The following ZSCAN5A variants were observed in gnomAD, a reference collection of about 807,000 sequenced individuals.
The protein encoded by ZSCAN5A is zinc finger and SCAN domain containing 5A.
ZSCAN5A carries 12 observed loss-of-function variants against 23.7 expected under a neutral mutation model. The ratio of observed to expected loss-of-function variants is 0.51; its 90% CI spans 0.32 to 0.82. ZSCAN5A has a LOEUF of 0.82. Among genes scored for constraint, ZSCAN5A ranks in the 40% least tolerant of loss-of-function variants. The pLI is 0.03. For missense variants in ZSCAN5A, 597 were observed against 617.9 expected, an observed-to-expected ratio of 0.97 and a Z score of 0.36; for synonymous variants, 257 against 239.9, an observed-to-expected ratio of 1.07 and a Z score of -0.66.
At chr19:56,362,381 A>G (rs1490091365) in intron 2 of ZSCAN5A, among the ~76,000 whole-genome samples, 3 of 151,898 alleles carry the variant, frequency 2.0e-5, no homozygotes, top group African/African-American at 7.3e-5. Context: ...ATCTTGGCCA[A>G]CGTGGCGAGA....
At chr19:56,223,921 C>T (rs752495822) in intron 3 of ZSCAN5A, 87 bp from the exon 4 acceptor site, 7 of 1,179,494 alleles carry the variant, frequency 5.9e-6, no homozygotes, top group Non-Finnish European at 7.2e-6. Flanking sequence ...AATGCTCACA[C>T]TTTACTGTAA....
At position 56,253,699 on chromosome 19, in the gene ZSCAN5A, TACAG is replaced by T. The variant is rs1433823307; in HGVS notation, c.-127-28530_-127-28527del. 4.6e-5 allele frequency among the ~76,000 whole-genome samples: 7 copies of T among 152,274 alleles called. No homozygotes were observed. In the East Asian group the frequency reaches 1.4e-3, roughly 29 times the overall value. On this transcript the variant is annotated intron_variant, in intron 2 of 5. Transcript: ENST00000683990. ...CGCGTGGGGAGACGTTATCCGGTGT[TACAG>T]ACACTAAATACATTTTTTTTTCTTA...
At chr19:56,230,452 C>T (rs998128474) in intron 2 of ZSCAN5A, among the ~76,000 whole-genome samples, 2 of 152,142 alleles carry the variant, frequency 1.3e-5, no homozygotes, top group Non-Finnish European at 2.9e-5. Context: ...GTGATGCAAT[C>T]GTCAGAACCA....
intron 2 of ZSCAN5A, among the ~76,000 whole-genome samples, chr19:56,287,982 C>T (rs966964010): frequency 2.6e-5 from 4 of 152,194 alleles, no homozygotes; most frequent in Non-Finnish European, 5.9e-5. Flanking sequence ...TCTGGGCAGA[C>T]CAGGAGCGTG....
chr19:56,222,873 C>G, intron 4 of ZSCAN5A, 132 bp from the exon 5 acceptor site: 1 of 1,207,006 alleles, frequency 8.3e-7, no homozygotes, highest in South Asian at 1.4e-5. Context: ...CAGACTTCCC[C>G]TGGACCACCC....
In ZSCAN5A at chr19:56,245,841, A is replaced by G. The variant is rs535508849; in HGVS notation, c.-127-20668T>C. Among the ~76,000 whole-genome samples the G allele has an allele frequency of 3.9e-5, 6 of 152,208 alleles. No individual in the cohort carries two copies. In the South Asian group the frequency reaches 1.2e-3, roughly 32 times the overall value. Reference sequence around the variant, plus strand: ...ATTTTGCCTTTCAGGACACATGGCCATGTCTGGAGATGTGTTTGTGTGTCA... The same window carrying G: ...ATTTTGCCTTTCAGGACACATGGCCGTGTCTGGAGATGTGTTTGTGTGTCA... On this transcript the variant is annotated intron_variant, in intron 2 of 5. Transcript: ENST00000683990.
intron 2 of ZSCAN5A, among the ~76,000 whole-genome samples, chr19:56,349,317 T>C (rs919961507): frequency 6.6e-6 from 1 of 152,070 alleles, no homozygotes; most frequent in African/African-American, 2.4e-5. Flanking sequence ...AACTTGTGAA[T>C]ACATCACGAT....
At chr19:56,262,052 C>T (rs1177697156) in intron 2 of ZSCAN5A, among the ~76,000 whole-genome samples, 1 of 152,076 alleles carries the variant, frequency 6.6e-6, no homozygotes, top group African/African-American at 2.4e-5. Context: ...GATGGAGTCT[C>T]ACTCTGTTGC....
intron 2 of ZSCAN5A, among the ~76,000 whole-genome samples, chr19:56,303,288 G>A (rs1057045714): frequency 6.6e-6 from 1 of 151,948 alleles, no homozygotes; most frequent in East Asian, 1.9e-4. Context: ...GACCAGCCTG[G>A]TCAACATGGT....
rs368735639 is a variant in ZSCAN5A at position 56,326,305 on chromosome 19, T to TTGTGTGTGTG, written c.-357-10047_-357-10038dup. On this transcript the variant is annotated intron_variant, in intron 2 of 6. Coordinates refer to the ZSCAN5A transcript ENST00000587340. ...ATATATCCACATCTCACAGTTACCATTGTGTGTGTGTGTGTGTGTGTGTGT... is the reference window on the plus strand; with the variant it reads ...ATATATCCACATCTCACAGTTACCATTGTGTGTGTGTGTGTGTGTGTGTGTGTGTGTGTGT... Among the ~76,000 whole-genome samples the TTGTGTGTGTG allele has an allele frequency of 8.2e-3, 1,194 of 145,610 alleles. 14 individuals carry two copies. The highest frequency in any genetic ancestry group is 0.023 in the African/African-American group (901 of 39,930).
intron 2 of ZSCAN5A, among the ~76,000 whole-genome samples, chr19:56,262,273 C>A (rs1401822386): frequency 6.6e-6 from 1 of 152,170 alleles, no homozygotes; most frequent in Non-Finnish European, 1.5e-5. Context: ...CCCGCCTCAG[C>A]CTCCCAAAGT....
intron 2 of ZSCAN5A, chr19:56,228,110 G>T: frequency 2.3e-6 from 1 of 430,328 alleles, no homozygotes; most frequent in Non-Finnish European, 3.1e-6. Flanking sequence ...ACGAGTCAGA[G>T]TTAATCATGG....
chr19:56,247,794 T>C (rs954813681), intron 2 of ZSCAN5A, among the ~76,000 whole-genome samples: 16 of 152,040 alleles, frequency 1.1e-4, no homozygotes, highest in Admixed American at 9.2e-4. Flanking sequence ...CAGGTTCACA[T>C]CATTCTCCTG....
chr19:56,304,469 C>G (rs1417618347), intron 2 of ZSCAN5A, among the ~76,000 whole-genome samples: 1 of 152,178 alleles, frequency 6.6e-6, no homozygotes, highest in Non-Finnish European at 1.5e-5. Context: ...ACCTGCCATA[C>G]GGCCCAGGAC....
chr19:56,251,142 T>G (rs964228277), intron 2 of ZSCAN5A, among the ~76,000 whole-genome samples: 6 of 128,482 alleles, frequency 4.7e-5, no homozygotes, highest in African/African-American at 1.7e-4. Context: ...AGAGCTAGAC[T>G]CCGTGTAAAA....
intron 2 of ZSCAN5A, among the ~76,000 whole-genome samples, chr19:56,253,096 C>T (rs1181384433): frequency 6.6e-6 from 1 of 152,128 alleles, no homozygotes; most frequent in East Asian, 1.9e-4. Context: ...AGCTGGGAGG[C>T]AATTGACTGG....
intron 2 of ZSCAN5A, chr19:56,302,009 C>T: frequency 8.1e-7 from 1 of 1,232,024 alleles, no homozygotes; most frequent in Non-Finnish European, 1.0e-6. Context: ...GAAACCACTC[C>T]CCAAGAGGAA....
intron 2 of ZSCAN5A, among the ~76,000 whole-genome samples, chr19:56,256,930 G>T (rs184626062): frequency 9.8e-5 from 15 of 152,292 alleles, no homozygotes; most frequent in Middle Eastern, 6.8e-3. Flanking sequence ...GGTGGTTCTG[G>T]GATCCCCCCG....
chr19:56,316,154 C>T (rs1332078745), upstream of ZSCAN5A: 1 of 152,240 alleles, frequency 6.6e-6, no homozygotes, highest in Non-Finnish European at 1.5e-5. Context: ...TGGTTCTTTA[C>T]TGAGCCCTGA....
Sources: gnomAD v4.1 joint callset for allele counts (sites outside exome capture counted in the v4.1 genomes callset) on GRCh38, gnomAD v4.1.1 for gene constraint, MANE v1.5 for transcripts, NCBI Gene and HGNC (gene_info 2026-07-23, HGNC 2026-07-21) for gene names.